MCHR2: variants seen among roughly 807,000 people sequenced by gnomAD.
MCHR2 encodes melanin-concentrating hormone receptor 2.
Under a neutral mutation model 24.8 loss-of-function variants are expected in MCHR2, and 15 were observed. The observed-to-expected ratio is 0.60, with a 90% confidence interval of 0.40 to 0.93. MCHR2 has a LOEUF of 0.93. MCHR2 is among the 40% of genes least tolerant of loss of function. MCHR2 has a pLI of 0.00. For missense variants in MCHR2, 386 were observed against 408.7 expected (o/e 0.94, Z 0.48); for synonymous variants, 151 against 147.6 (o/e 1.02, Z -0.17).
rs921404395 is a variant in MCHR2, at chr6:99,918,846, C to G, written c.*2094G>C. On this transcript the variant is annotated 3_prime_UTR_variant, in exon 6 of 6. Transcript: ENST00000281806. ...ATGCTAAATAAAGCTCCTTACAACTCTTAGTAAATATAATTTAAAATAATT... is the reference window on the plus strand; with the variant it reads ...ATGCTAAATAAAGCTCCTTACAACTGTTAGTAAATATAATTTAAAATAATT... 6.6e-6 allele frequency among the ~76,000 whole-genome samples: 1 copy of G among 152,040 alleles called. No individual in the cohort carries two copies. Among genetic ancestry groups the G allele is most frequent in the African/African-American group, 2.4e-5 (1 of 41,380 alleles).
chr6:99,937,035 C>T (rs1441582225), intron 4 of MCHR2, among the ~76,000 whole-genome samples: 1 of 151,876 alleles, frequency 6.6e-6, no homozygotes, highest in East Asian at 1.9e-4. Flanking sequence ...TATGTAAATG[C>T]TATTGATTTT....
chr6:99,976,891 G>A (rs1428946491), intron 1 of MCHR2, among the ~76,000 whole-genome samples: 2 of 152,110 alleles, frequency 1.3e-5, no homozygotes, highest in Admixed American at 6.5e-5. Flanking sequence ...TGCCTCACAC[G>A]CTTGCTGGCC....
intron 5 of MCHR2, among the ~76,000 whole-genome samples, chr6:99,925,280 G>A (rs1354572965): frequency 6.6e-6 from 1 of 151,374 alleles, no homozygotes; most frequent in Non-Finnish European, 1.5e-5. Context: ...TTCAGTCTAT[G>A]TGTGTCTTTA....
At chr6:99,971,788 C>T (rs370668297) in intron 1 of MCHR2, among the ~76,000 whole-genome samples, 2 of 152,238 alleles carry the variant, frequency 1.3e-5, no homozygotes, top group South Asian at 2.1e-4. Flanking sequence ...TGAATTTTGT[C>T]AAAGGCCTTT....
Position 99,920,342 on chromosome 6 carries a change from T to C in MCHR2, c.*598A>G, listed in dbSNP as rs1304996728. On this transcript the variant is annotated 3_prime_UTR_variant, in exon 6 of 6. Transcript: ENST00000281806. ...GCAGCATTAGGCCTATCATTTCTCCTTTCTGAGCCTTAGCAAACAAAGGTA... is the reference window on the plus strand; with the variant it reads ...GCAGCATTAGGCCTATCATTTCTCCCTTCTGAGCCTTAGCAAACAAAGGTA... The C allele has an allele frequency of 6.6e-6, 1 of 152,562 alleles. No individual in the cohort carries two copies. Among genetic ancestry groups the C allele is most frequent in the African/African-American group, 2.4e-5 (1 of 41,448 alleles). The allele number at this position is 152,562 out of a possible 1,614,324, so 9.5% of individuals were successfully genotyped here.
chr6:99,949,229 A>G (rs1008377636), intron 2 of MCHR2, among the ~76,000 whole-genome samples: 2 of 152,182 alleles, frequency 1.3e-5, no homozygotes, highest in Non-Finnish European at 2.9e-5. Context: ...ACTATGTATA[A>G]ACCCTGTCAT....
At chr6:99,934,356 C>T (rs1212799490) in intron 5 of MCHR2, 42 bp downstream of exon 5, 2 of 1,508,600 alleles carry the variant, frequency 1.3e-6, no homozygotes, top group Admixed American at 2.4e-5. Context: ...CTTAGGCTAT[C>T]TAAATTGTTC....
intron 1 of MCHR2, among the ~76,000 whole-genome samples, chr6:99,983,032 C>T (rs1775700465): frequency 6.6e-6 from 1 of 152,182 alleles, no homozygotes; most frequent in Non-Finnish European, 1.5e-5. Context: ...GCAATCACGG[C>T]TCACTGCAGC....
At chr6:99,968,889 AG>A (rs1479724199) in intron 1 of MCHR2, among the ~76,000 whole-genome samples, 1 of 152,184 alleles carries the variant, frequency 6.6e-6, no homozygotes, top group Non-Finnish European at 1.5e-5. Context: ...GGGCCAGATA[AG>A]TCTGAAGGGA....
Position 99,921,169 on chromosome 6 carries a change from G to A in MCHR2, c.794C>T (p.Ala265Val), listed in dbSNP as rs771500796. The A allele has an allele frequency of 6.2e-7, 1 of 1,614,154 alleles. No homozygotes were observed. The highest frequency in any genetic ancestry group is 8.5e-7 in the Non-Finnish European group (1 of 1,180,020). The change falls in exon 6 of 6, where the codon GCC becomes GTC. Residue 265 changes from alanine to valine, a missense_variant. Transcript: ENST00000281806. ...VLVVVFILSA[A>V]PYHVIQLVNL... ...CACCAGTTGTATCACATGATAAGGG[G>A]CAGCACTCAGGATAAAGACTACCAC...
chr6:99,964,410 A>G (rs571779463), intron 1 of MCHR2, among the ~76,000 whole-genome samples: 1 of 152,270 alleles, frequency 6.6e-6, no homozygotes, highest in Non-Finnish European at 1.5e-5. Flanking sequence ...TGGGTAATTT[A>G]TAAAGGAAAG....
intron 5 of MCHR2, among the ~76,000 whole-genome samples, chr6:99,926,299 A>ACGTG (rs1774356623): frequency 6.6e-6 from 1 of 152,066 alleles, no homozygotes; most frequent in Non-Finnish European, 1.5e-5. Flanking sequence ...AAACATACGT[A>ACGTG]TGCATGTGTC....
At chr6:99,946,457 CA>C (rs1251025484) in intron 3 of MCHR2, among the ~76,000 whole-genome samples, 1 of 151,994 alleles carries the variant, frequency 6.6e-6, no homozygotes, top group African/African-American at 2.4e-5. Flanking sequence ...ACTTCCCCAC[CA>C]AAAAGTCTCA....
intron 1 of MCHR2, among the ~76,000 whole-genome samples, chr6:99,963,109 T>TA (rs34429925): frequency 0.33 from 49,705 of 151,252 alleles, 8,589 homozygotes; most frequent in Admixed American, 0.42. Context: ...AAATGACAAT[T>TA]AAAAAAAAGT....
chr6:99,948,070 TA>T, intron 2 of MCHR2, 99 bp from the exon 3 acceptor site: 1 of 1,034,994 alleles, frequency 9.7e-7, no homozygotes, highest in Non-Finnish European at 1.4e-6. Context: ...TAATGCATTT[TA>T]AATGTTAAAG....
At chr6:99,932,846 A>G (rs1774574754) in intron 5 of MCHR2, among the ~76,000 whole-genome samples, 1 of 152,170 alleles carries the variant, frequency 6.6e-6, no homozygotes, top group African/African-American at 2.4e-5. Flanking sequence ...CTTTAATGGA[A>G]AAACTAGTGA....
intron 4 of MCHR2, among the ~76,000 whole-genome samples, chr6:99,934,896 G>T (rs1774625635): frequency 6.6e-6 from 1 of 152,038 alleles, no homozygotes; most frequent in Non-Finnish European, 1.5e-5. Context: ...AACCCCATGA[G>T]TATGATGCCA....
chr6:99,973,211 G>A (rs935161279), intron 1 of MCHR2, among the ~76,000 whole-genome samples: 2 of 151,786 alleles, frequency 1.3e-5, no homozygotes, highest in East Asian at 3.9e-4. Context: ...TCTCTTTGTA[G>A]GTCACTCAGG....
intron 1 of MCHR2, among the ~76,000 whole-genome samples, chr6:99,978,762 G>A (rs1487532096): frequency 2.6e-5 from 4 of 152,074 alleles, no homozygotes; most frequent in African/African-American, 9.7e-5. Flanking sequence ...GGCCCTCCCT[G>A]AAAGAGGATA....
Sources: gnomAD v4.1 joint callset for allele counts (sites outside exome capture counted in the v4.1 genomes callset) on GRCh38, gnomAD v4.1.1 for gene constraint, MANE v1.5 for transcripts, NCBI Gene and HGNC (gene_info 2026-07-23, HGNC 2026-07-21) for gene names.